The following TYRO3 variants were observed in gnomAD, a reference collection of about 807,000 sequenced individuals.
TYRO3 encodes the protein TYRO3 protein tyrosine kinase.
Under a neutral mutation model 95.2 loss-of-function variants are expected in TYRO3, and 38 were observed. That is an observed-to-expected ratio of 0.40 (90% confidence interval 0.31 to 0.52). The LOEUF (loss-of-function observed/expected upper bound fraction) is 0.52, where lower values mean the gene tolerates loss of function less well. TYRO3 is among the 20% of genes least tolerant of loss of function. The pLI, the probability that TYRO3 is intolerant of heterozygous loss-of-function variation, is 0.56. For missense variants in TYRO3, 812 were observed against 1,116.4 expected (o/e 0.73, Z 3.89); for synonymous variants, 367 against 432.9 (o/e 0.85, Z 1.89).
At chr15:41,567,322 G>A (rs1026020261) in intron 6 of TYRO3, 38 bp from the exon 7 acceptor site, 16 of 1,438,806 alleles carry the variant, frequency 1.1e-5, no homozygotes, top group South Asian at 1.6e-5. Context: ...TCTCTCACAG[G>A]CTCTCCCCTA....
At chr15:41,569,055 C>G in intron 9 of TYRO3, 33 bp downstream of exon 9, 1 of 1,610,610 alleles carries the variant, frequency 6.2e-7, no homozygotes, top group Non-Finnish European at 8.5e-7. Context: ...GGCAGAGGCT[C>G]AGGGGATCAA....
chr15:41,565,906 C>T (rs577623370), intron 6 of TYRO3, among the ~76,000 whole-genome samples: 2 of 152,296 alleles, frequency 1.3e-5, no homozygotes, highest in South Asian at 4.1e-4. Flanking sequence ...GCAATGCAGG[C>T]TTGCTCATTT....
At chr15:41,560,413 G>GTA (rs2055633399) in intron 1 of TYRO3, among the ~76,000 whole-genome samples, 1 of 143,596 alleles carries the variant, frequency 7.0e-6, no homozygotes, top group African/African-American at 2.7e-5. Flanking sequence ...GTGTGTGTGT[G>GTA]TGTGTGTGTG....
Position 41,568,915 on chromosome 15 carries a change from C to T in TYRO3, c.1145C>T (p.Thr382Ile), listed in dbSNP as rs747131595. 2 of 1,612,888 alleles carry T rather than the reference C, an allele frequency of 1.2e-6. No individual in the cohort carries two copies. Among genetic ancestry groups the T allele is most frequent in the Non-Finnish European group, 1.7e-6 (2 of 1,179,992 alleles). ...LTVEGTRANL[T>I]GWDPQKDLIV... is the part of the protein sequence containing the mutation. ...GTGGAGGGGACCAGGGCCAATTTGACAGGCTGGGATCCCCAAAAGGACCTG... is the reference window on the plus strand; with the variant it reads ...GTGGAGGGGACCAGGGCCAATTTGATAGGCTGGGATCCCCAAAAGGACCTG... The change falls in exon 9 of 19, where the codon ACA becomes ATA. Residue 382 changes from threonine to isoleucine, a missense_variant. Transcript: ENST00000263798.
intron 12 of TYRO3, 23 bp from the exon 13 acceptor site, chr15:41,571,015 C>G (rs1413623833): frequency 6.2e-7 from 1 of 1,612,610 alleles, no homozygotes; most frequent in Admixed American, 1.7e-5. Flanking sequence ...AGGAGACTCT[C>G]CCTTACTTGG....
chr15:41,560,653 C>G (rs541413000), intron 1 of TYRO3, among the ~76,000 whole-genome samples: 16 of 151,326 alleles, frequency 1.1e-4, no homozygotes, highest in African/African-American at 3.9e-4. Context: ...CATATGTTCT[C>G]CACTTCAGGG....
intron 6 of TYRO3, 57 bp from the exon 7 acceptor site, chr15:41,567,303 C>A: frequency 7.2e-7 from 1 of 1,385,770 alleles, no homozygotes. Context: ...ATACCCATCC[C>A]ATCTTCCATC....
intron 6 of TYRO3, among the ~76,000 whole-genome samples, chr15:41,566,320 TAAAAAAAAAAAAAAAA>T (rs57924730): frequency 1.5e-4 from 6 of 40,958 alleles, no homozygotes; most frequent in Admixed American, 9.2e-4. Flanking sequence ...CTGTCTCTAT[TAAAAAAAAAAAAAAAA>T]AAAAAAAAAA....
Position 41,579,780 on chromosome 15 carries a change from C to T in TYRO3, c.*1504C>T, listed in dbSNP as rs1268968013. The T allele has an allele frequency of 1.5e-5, 2 of 136,368 alleles. No homozygotes were observed. The highest frequency in any genetic ancestry group is 3.2e-5 in the Non-Finnish European group (2 of 63,422). 8.4% of individuals were successfully genotyped at this position (136,368 alleles called of 1,614,324 possible). On this transcript the variant is annotated 3_prime_UTR_variant, in exon 19 of 19. Coordinates refer to ENST00000263798, the MANE Select transcript of TYRO3 (RefSeq NM_006293.4). Reference sequence around the variant, plus strand: ...TATCTTTTTTTTTTTTTTTTTGAGACCGAGTCTCACTCTGTCGCCCAGGCT... The same window carrying T: ...TATCTTTTTTTTTTTTTTTTTGAGATCGAGTCTCACTCTGTCGCCCAGGCT...
Position 41,576,104 on chromosome 15 carries a change from C to CAA in TYRO3, c.2283-1762_2283-1761dup, listed in dbSNP as rs397853986. ...GGGCAACAAGAGCAAAACTCCATCTCAAAAAAAAAAAAAAAAAAAAATTAA... is the reference window on the plus strand; with the variant it reads ...GGGCAACAAGAGCAAAACTCCATCTCAAAAAAAAAAAAAAAAAAAAAAATTAA... On this transcript the variant is annotated intron_variant, in intron 18 of 18. Coordinates refer to ENST00000263798, the MANE Select transcript of TYRO3 (RefSeq NM_006293.4). 3.9e-3 allele frequency among the ~76,000 whole-genome samples: 400 copies of CAA among 101,894 alleles called. 6 individuals are homozygous for CAA. Among genetic ancestry groups the CAA allele is most frequent in the African/African-American group, 0.01 (262 of 25,264 alleles). The allele number at this position is 101,894 out of a possible 152,430, so 66.8% of individuals were successfully genotyped here. A position where few individuals can be genotyped will look rare whatever the true frequency, so the allele number is the denominator to read the frequency against.
chr15:41,563,232 C>T (rs1190339317), intron 4 of TYRO3, among the ~76,000 whole-genome samples: 2 of 152,216 alleles, frequency 1.3e-5, no homozygotes, highest in African/African-American at 4.8e-5. Context: ...TTTTCTCAAA[C>T]AACTGTGTCT....
At chr15:41,573,154 TGCCA>T in intron 16 of TYRO3, 43 bp downstream of exon 16, 1 of 1,306,698 alleles carries the variant, frequency 7.7e-7, no homozygotes. Flanking sequence ...CAGCAGCAGG[TGCCA>T]AGAGGAGCTA....
chr15:41,562,359 C>G, intron 3 of TYRO3, 189 bp from the exon 4 acceptor site: 3 of 378,678 alleles, frequency 7.9e-6, no homozygotes, highest in African/African-American at 2.1e-5. Context: ...AAAAAAATTC[C>G]TAAGGAGCCT....
intron 3 of TYRO3, 124 bp from the exon 4 acceptor site, chr15:41,562,424 C>A: frequency 3.1e-6 from 3 of 965,562 alleles, no homozygotes; most frequent in Non-Finnish European, 4.5e-6. Flanking sequence ...TGCTGTTGAC[C>A]TAATCATAAG....
Position 41,573,029 on chromosome 15 carries a change from T to C in TYRO3, c.1903T>C (p.Phe635Leu). Residue 635 changes from phenylalanine to leucine, a missense_variant, in exon 16 of 19, where the codon TTC becomes CTC. Phe to Leu is a conservative substitution (Grantham distance 22). Coordinates refer to ENST00000263798, the MANE Select transcript of TYRO3 (RefSeq NM_006293.4). ...FNLPLQTLIR[F>L]MVDIACGMEY... The stretch of plus-strand genomic sequence containing the variant: ...CCTACCCCTCCAGACCCTGATCCGG[T>C]TCATGGTGGACATTGCCTGCGGCAT... 1 of 1,614,146 alleles carries C rather than the reference T, an allele frequency of 6.2e-7. No individual in the cohort carries two copies. The highest frequency in any genetic ancestry group is 8.5e-7 in the Non-Finnish European group (1 of 1,180,026).
At position 41,565,155 on chromosome 15, in the gene TYRO3, G is replaced by T. The variant is rs1164498727; in HGVS notation, c.783+14G>T. 3.5e-6 allele frequency: 5 copies of T among 1,428,406 alleles called. No homozygotes were observed. The East Asian group carries it at 1.1e-4, about 32-fold the overall frequency. 88.5% of individuals were successfully genotyped at this position (1,428,406 alleles called of 1,614,324 possible). ...TGTACAGTTCAGGTAGGCTCTCCGGGCCGGGCCATGCTCGTTCTGGCTGCA... is the reference window on the plus strand; with the variant it reads ...TGTACAGTTCAGGTAGGCTCTCCGGTCCGGGCCATGCTCGTTCTGGCTGCA... On this transcript the variant is annotated intron_variant, in intron 6 of 18. Transcript: ENST00000263798.
rs1410529061 is a variant in TYRO3, at chr15:41,581,065, T to G, written c.*2789T>G. 1.3e-5 allele frequency: 2 copies of G among 153,150 alleles called. No individual in the cohort carries two copies. Among genetic ancestry groups the G allele is most frequent in the Non-Finnish European group, 2.9e-5 (2 of 68,004 alleles). The allele number at this position is 153,150 out of a possible 1,614,324, so 9.5% of individuals were successfully genotyped here. A position where few individuals can be genotyped will look rare whatever the true frequency, so the allele number is the denominator to read the frequency against. On this transcript the variant is annotated 3_prime_UTR_variant, in exon 19 of 19. Transcript: ENST00000263798. Reference sequence around the variant, plus strand: ...GTTTAGCCAGGCTTGGTGGCGCAGGTTTGTCATCTCAGCTACTGGGTGACT... The same window carrying G: ...GTTTAGCCAGGCTTGGTGGCGCAGGGTTGTCATCTCAGCTACTGGGTGACT...
intron 6 of TYRO3, among the ~76,000 whole-genome samples, chr15:41,566,490 C>T (rs184527766): frequency 6.6e-6 from 1 of 152,294 alleles, no homozygotes; most frequent in Admixed American, 6.5e-5. Flanking sequence ...GATCTCTTGC[C>T]CTAATGGTTC....
At chr15:41,562,833 A>G in intron 4 of TYRO3, 115 bp downstream of exon 4, 1 of 1,095,572 alleles carries the variant, frequency 9.1e-7, no homozygotes. Context: ...AGCAAGCCCC[A>G]GTGTCTGGGG....
Sources: allele counts gnomAD v4.1 joint callset (sites outside exome capture counted in the v4.1 genomes callset), GRCh38; gene constraint gnomAD v4.1.1; transcripts MANE v1.5; gene names NCBI Gene and HGNC (gene_info 2026-07-23, HGNC 2026-07-21).